TMEM164: variants seen among roughly 807,000 people sequenced by gnomAD.
TMEM164 encodes transmembrane protein 164, also known as RP13-360B22.2.
TMEM164 carries 4 observed loss-of-function variants against 18.8 expected under a neutral mutation model. The observed-to-expected ratio is 0.21, with a 90% CI of 0.10 to 0.49. The LOEUF is 0.49. Among genes scored for constraint, TMEM164 ranks in the 20% least tolerant of loss-of-function variants. TMEM164 has a pLI of 0.98. For missense variants in TMEM164, 108 were observed against 239.9 expected, an observed-to-expected ratio of 0.45 and a Z score of 3.63; for synonymous variants, 86 against 101.7, an observed-to-expected ratio of 0.85 and a Z score of 0.93.
At position 110,149,391 on chromosome X, in the gene TMEM164, T is replaced by C. The variant is rs769997482; in HGVS notation, c.586+4515T>C. 2.7e-5 allele frequency among the ~76,000 whole-genome samples: 3 copies of C among 111,876 alleles called. No homozygotes were observed. The South Asian group carries it at 1.1e-3, about 42-fold the overall frequency. The stretch of plus-strand genomic sequence containing the variant: ...GCTTCTAAAGATCACCAGCAACGTC[T>C]GTCTGACCAAATCTAATGACCATCT... On this transcript the variant is annotated intron_variant, in intron 5 of 6. Transcript: ENST00000372068.
At chrX:110,088,954 T>C (rs2065889939) in intron 3 of TMEM164, among the ~76,000 whole-genome samples, 2 of 111,784 alleles carry the variant, frequency 1.8e-5, no homozygotes, top group African/African-American at 6.5e-5. Flanking sequence ...GACTGATTAT[T>C]TTGGGCCTCT....
intron 2 of TMEM164, among the ~76,000 whole-genome samples, chrX:110,038,820 AAG>A (rs1934964366): frequency 1.0e-5 from 1 of 97,693 alleles, no homozygotes; most frequent in Non-Finnish European, 2.1e-5. Context: ...AATTCAAGGA[AAG>A]AGAAAAGTTC....
downstream of TMEM164, among the ~76,000 whole-genome samples, chrX:110,183,947 G>C (rs2067332417): frequency 9.0e-6 from 1 of 111,646 alleles, no homozygotes; most frequent in Admixed American, 9.5e-5. Flanking sequence ...AGGGCAATGA[G>C]ACTACTATTC....
At chrX:110,079,921 G>A (rs2065728053) in intron 3 of TMEM164, among the ~76,000 whole-genome samples, 1 of 110,174 alleles carries the variant, frequency 9.1e-6, no homozygotes. Flanking sequence ...CATGGCACAT[G>A]CATACATATG....
intron 4 of TMEM164, among the ~76,000 whole-genome samples, chrX:110,131,163 G>A (rs1248171023): frequency 8.9e-6 from 1 of 111,973 alleles, no homozygotes; most frequent in Non-Finnish European, 1.9e-5. Flanking sequence ...CAGGCCCACT[G>A]GTTGCCTTTA....
intron 2 of TMEM164, chrX:110,046,348 T>A (rs766641209): frequency 2.7e-6 from 2 of 752,583 alleles, no homozygotes; most frequent in South Asian, 6.8e-5. Context: ...TGCTTATTCC[T>A]CTTTCCAGTC....
At chrX:110,035,630 A>G (rs1247413821) in intron 2 of TMEM164, among the ~76,000 whole-genome samples, 1 of 110,411 alleles carries the variant, frequency 9.1e-6, no homozygotes, top group South Asian at 3.8e-4. Flanking sequence ...CAGCCTCCCA[A>G]GTAGCTGGGA....
intron 4 of TMEM164, among the ~76,000 whole-genome samples, chrX:110,135,131 C>T (rs2066670989): frequency 9.0e-6 from 1 of 110,937 alleles, no homozygotes; most frequent in Non-Finnish European, 1.9e-5. Context: ...GTCTCTCTTC[C>T]TCAATCCTGT....
rs1420588247 is a variant in TMEM164 at position 110,060,281 on chromosome X, A to AAAG, written c.391-7064_391-7063insGAA. The stretch of plus-strand genomic sequence containing the variant: ...GACCCTGTCTGAAAAAAAAAAAAAA[A>AAAG]AAAGAAAAGAAAAAGAAAAGGTCTA... On this transcript the variant is annotated intron_variant, in intron 2 of 6. Coordinates refer to ENST00000372068, the MANE Select transcript of TMEM164 (RefSeq NM_032227.4). Among the ~76,000 whole-genome samples, 192 of 107,815 alleles carry AAAG rather than the reference A, an allele frequency of 1.8e-3. 3 individuals carry two copies. The highest frequency in any genetic ancestry group is 3.2e-3 in the Non-Finnish European group (166 of 51,889). The allele number at this position is 107,815 out of a possible 115,157, so 93.6% of individuals were successfully genotyped here.
intron 5 of TMEM164, among the ~76,000 whole-genome samples, chrX:110,154,280 G>T (rs913019040): frequency 8.9e-6 from 1 of 111,940 alleles, no homozygotes; most frequent in Non-Finnish European, 1.9e-5. Flanking sequence ...AGTTCAACAT[G>T]ATTATTTTCT....
intron 3 of TMEM164, among the ~76,000 whole-genome samples, chrX:110,090,414 T>G (rs2065908784): frequency 9.1e-6 from 1 of 109,685 alleles, no homozygotes; most frequent in Admixed American, 9.8e-5. Context: ...CCAGCGATTC[T>G]CCTACCTCGG....
At chrX:110,062,787 A>G (rs1241784134) in intron 2 of TMEM164, among the ~76,000 whole-genome samples, 1 of 111,822 alleles carries the variant, frequency 8.9e-6, no homozygotes, top group Non-Finnish European at 1.9e-5. Context: ...GGCAGGATCT[A>G]GAGCAAAGAA....
intron 3 of TMEM164, among the ~76,000 whole-genome samples, chrX:110,070,554 C>T (rs972619202): frequency 9.9e-5 from 11 of 110,768 alleles, no homozygotes; most frequent in Non-Finnish European, 2.1e-4. Context: ...TTCATATCTG[C>T]TCTATGCCTT....
intron 3 of TMEM164, among the ~76,000 whole-genome samples, chrX:110,092,264 A>G (rs2065942078): frequency 8.9e-6 from 1 of 111,759 alleles, no homozygotes; most frequent in African/African-American, 3.2e-5. Context: ...TGGTAGCTTG[A>G]TGGGGATGGC....
chrX:110,172,801 A>T (rs1388648229), intron 6 of TMEM164, among the ~76,000 whole-genome samples: 1 of 111,766 alleles, frequency 8.9e-6, no homozygotes, highest in East Asian at 2.8e-4. Flanking sequence ...AGACCTCCTC[A>T]TAGTGTATAA....
intron 2 of TMEM164, among the ~76,000 whole-genome samples, chrX:110,017,444 T>TTCTTTCTTTCTTTCTC (rs1182465665): frequency 9.5e-4 from 41 of 43,018 alleles, no homozygotes; most frequent in African/African-American, 2.7e-3. Flanking sequence ...CTTTCTTTCT[T>TTCTTTCTTTCTTTCTC]TCTCTCTCTC....
At chrX:110,054,063 A>G (rs1488560539) in intron 2 of TMEM164, among the ~76,000 whole-genome samples, 7 of 112,069 alleles carry the variant, frequency 6.2e-5, no homozygotes, top group Non-Finnish European at 1.3e-4. Flanking sequence ...GGCAACAAAC[A>G]TGACCTCTGG....
chrX:110,028,082 A>G (rs1934289002), intron 2 of TMEM164, among the ~76,000 whole-genome samples: 1 of 112,037 alleles, frequency 8.9e-6, no homozygotes, highest in South Asian at 3.6e-4. Context: ...CAGACATTGT[A>G]TTTTTCTTTA....
chrX:110,102,434 A>G (rs991660240), intron 3 of TMEM164, among the ~76,000 whole-genome samples: 1 of 111,807 alleles, frequency 8.9e-6, no homozygotes, highest in African/African-American at 3.3e-5. Context: ...GAGAATTCCT[A>G]TCTATGAATT....
Sources: gnomAD v4.1 joint callset for allele counts (sites outside exome capture counted in the v4.1 genomes callset) on GRCh38, gnomAD v4.1.1 for gene constraint, MANE v1.5 for transcripts, NCBI Gene and HGNC (gene_info 2026-07-23, HGNC 2026-07-21) for gene names.